LENG8: variants seen among roughly 807,000 people sequenced by gnomAD.
LENG8 encodes leukocyte receptor cluster member 8.
Under a neutral mutation model 102.1 loss-of-function variants are expected in LENG8, and 28 were observed. The observed-to-expected ratio is 0.27, with a 90% CI of 0.20 to 0.38. LENG8 has a LOEUF of 0.38. LENG8 is among the 10% of genes least tolerant of loss of function. The pLI is 1.00. For synonymous variants in LENG8, 531 were observed against 456.7 expected (o/e 1.16, Z -2.07); for missense variants, 1,022 against 1,113.9 (o/e 0.92, Z 1.17).
At position 54,452,255 on chromosome 19, in the gene LENG8, G is replaced by C. The variant is rs1298182727; in HGVS notation, c.201G>C (p.Val67=). 6.2e-7 allele frequency: 1 copy of C among 1,612,220 alleles called. No individual in the cohort carries two copies. Among genetic ancestry groups the C allele is most frequent in the Non-Finnish European group, 8.5e-7 (1 of 1,179,078 alleles). The change falls in exon 3 of 16, where the codon GTG becomes GTC. Residue 67 remains valine (V), a synonymous_variant. Transcript: ENST00000326764. ...CCAAGTCCAGCAGCAATGGGCCTGT[G>C]GCCAGTGCACAGGTGAGAAGGCCTC... ...GSAKSSSNGP[V]ASAQYVSQAE... is the part of the protein sequence containing the mutation.
In LENG8 at chr19:54,459,677, A is replaced by G. The variant is rs145388078; in HGVS notation, c.2241-1089A>G. 2.7e-3 allele frequency: 2,734 copies of G among 1,021,342 alleles called. 6 individuals are homozygous for G. Among genetic ancestry groups the G allele is most frequent in the Admixed American group, 3.9e-3 (75 of 19,058 alleles). The allele number at this position is 1,021,342 out of a possible 1,614,324, so 63.3% of individuals were successfully genotyped here. On this transcript the variant is annotated intron_variant, in intron 15 of 15. Coordinates refer to ENST00000326764, the MANE Select transcript of LENG8 (RefSeq NM_052925.4). The stretch of plus-strand genomic sequence containing the variant: ...CATGGTCACAGCATAGTTTGGAGCT[A>G]GGGAGGGACTGTCAGCCTGGAGGTT...
chr19:54,452,843 G>T lies in LENG8; in HGVS notation c.315+91G>T. The T allele has an allele frequency of 4.6e-6, 4 of 864,928 alleles. No homozygotes were observed. The South Asian group carries it at 5.7e-5, about 12-fold the overall frequency. The allele number at this position is 864,928 out of a possible 1,614,324, so 53.6% of individuals were successfully genotyped here. A position where few individuals can be genotyped will look rare whatever the true frequency, so the allele number is the denominator to read the frequency against. Reference sequence around the variant, plus strand: ...GTGGAGTCTGCCGGGATGGGGCTGGGTGGTGGATGGACTGGAGATCGCAGT... The same window carrying T: ...GTGGAGTCTGCCGGGATGGGGCTGGTTGGTGGATGGACTGGAGATCGCAGT... On this transcript the variant is annotated intron_variant, in intron 4 of 15. Transcript: ENST00000326764.
chr19:54,452,482 G>T (rs1599957718), intron 3 of LENG8, among the ~76,000 whole-genome samples, 169 bp from the exon 4 acceptor site: 1 of 152,218 alleles, frequency 6.6e-6, no homozygotes. Flanking sequence ...CCATGCCCCT[G>T]GTCTCTAACG....
intron 8 of LENG8, 58 bp from the exon 9 acceptor site, chr19:54,455,909 C>T (rs1286034246): frequency 2.6e-6 from 4 of 1,542,286 alleles, no homozygotes; most frequent in Admixed American, 2.0e-5. Context: ...GAGGTGGTGG[C>T]GGCTGTCCTG....
intron 15 of LENG8, chr19:54,458,889 G>A (rs889000913): frequency 2.8e-5 from 44 of 1,546,748 alleles, no homozygotes; most frequent in Admixed American, 9.8e-5. Context: ...TCAGCTTGTC[G>A]CTGTGCTCCC....
At chr19:54,450,324 T>C (rs1484781652) in intron 1 of LENG8, among the ~76,000 whole-genome samples, 2 of 152,166 alleles carry the variant, frequency 1.3e-5, no homozygotes, top group Non-Finnish European at 2.9e-5. Context: ...GAAATCAGTC[T>C]GTCAGTGCTA....
At position 54,457,945 on chromosome 19, in the gene LENG8, C is replaced by A; in HGVS notation, c.1845C>A (p.Ile615=). The A allele has an allele frequency of 6.2e-7, 1 of 1,613,876 alleles. No homozygotes were observed. Among genetic ancestry groups the A allele is most frequent in the East Asian group, 2.2e-5 (1 of 44,872 alleles). Reference sequence around the variant, plus strand: ...CCCCGCTGCCCCAGGTGCAGGGCATCCGCACCGAGTTCACGGTGGAGGTGT... The same window carrying A: ...CCCCGCTGCCCCAGGTGCAGGGCATACGCACCGAGTTCACGGTGGAGGTGT... ...SIRQDLTVQG[I]RTEFTVEVYE... The change falls in exon 13 of 16, where the codon ATC becomes ATA. Residue 615 remains isoleucine (I), a synonymous_variant. Transcript: ENST00000326764.
At position 54,454,566 on chromosome 19, in the gene LENG8, C is replaced by T; in HGVS notation, c.563C>T (p.Ala188Val). The change falls in exon 6 of 16, where the codon GCT becomes GTT. Residue 188 changes from alanine (A) to valine (V), a missense_variant. This residue lies in a region of LENG8 where 343 missense variants were observed against 320.2 expected (regional missense o/e 1.07). Coordinates refer to ENST00000326764, the MANE Select transcript of LENG8 (RefSeq NM_052925.4). Reference protein sequence around the residue: ...TLNSGPQPGTAPATQHSQAGP... With the variant: ...TLNSGPQPGTVPATQHSQAGP... ...AACAGTGGCCCTCAGCCTGGGACAGCTCCAGCCACACAGCACAGCCAGGCG... is the reference window on the plus strand; with the variant it reads ...AACAGTGGCCCTCAGCCTGGGACAGTTCCAGCCACACAGCACAGCCAGGCG... The T allele has an allele frequency of 6.2e-7, 1 of 1,612,084 alleles. No individual in the cohort carries two copies. The highest frequency in any genetic ancestry group is 8.5e-7 in the Non-Finnish European group (1 of 1,179,544).
chr19:54,457,723 TG>T, intron 11 of LENG8, 23 bp from the exon 12 acceptor site: 1 of 1,540,010 alleles, frequency 6.5e-7, no homozygotes, highest in Non-Finnish European at 9.0e-7. Flanking sequence ...GTACTCCGAG[TG>T]TGAATTCAGT....
At chr19:54,451,198 GCTTCT>G in intron 1 of LENG8, 87 bp from the exon 2 acceptor site, 2 of 821,016 alleles carry the variant, frequency 2.4e-6, no homozygotes, top group Non-Finnish European at 4.1e-6. Context: ...TTTCTGCCCG[GCTTCT>G]CTTGAGTCCA....
chr19:54,451,992 CAGTT>C, intron 2 of LENG8, 97 bp from the exon 3 acceptor site: 2 of 1,082,878 alleles, frequency 1.8e-6, no homozygotes, highest in Non-Finnish European at 2.7e-6. Flanking sequence ...CTGGTAGTAA[CAGTT>C]AGATATGGGA....
Position 54,457,778 on chromosome 19 carries a change from G to A in LENG8, c.1763G>A (p.Cys588Tyr). The part of the protein sequence containing the change: ...VLKKSLCMVK[C>Y]HWKEKQDYAF... ...AAAAAGTCGCTGTGCATGGTCAAGT[G>A]CCACTGGAAAGAGAAGCAGGACTAC... The change falls in exon 12 of 16, where the codon TGC (cysteine) becomes TAC (tyrosine). Residue 588 changes from cysteine (C) to tyrosine (Y), a missense_variant. Physicochemically the swap from Cys to Tyr is radical, Grantham distance 194. Around this residue, in one of 7 missense-constraint regions of LENG8, gnomAD observed 158 missense variants for 229.0 expected, o/e 0.69. Transcript: ENST00000326764. The A allele has an allele frequency of 6.2e-7, 1 of 1,614,112 alleles. No homozygotes were observed. The highest frequency in any genetic ancestry group is 8.5e-7 in the Non-Finnish European group (1 of 1,179,956).
intron 2 of LENG8, among the ~76,000 whole-genome samples, chr19:54,451,598 T>A (rs2083963486): frequency 6.6e-6 from 1 of 152,266 alleles, no homozygotes; most frequent in African/African-American, 2.4e-5. Context: ...TTTTTCACAG[T>A]ACAGCGCTTG....
Position 54,453,802 on chromosome 19 carries a change from G to A in LENG8, c.426+146G>A, listed in dbSNP as rs753873077. ...CTGATCTGAAAATGAGGAGGACAGA[G>A]CATAGTGTTTGAACCTGGGGTGGGT... is the stretch of plus-strand genomic sequence containing the variant. On this transcript the variant is annotated intron_variant, in intron 5 of 15. Coordinates refer to ENST00000326764, the MANE Select transcript of LENG8 (RefSeq NM_052925.4). 5.8e-4 allele frequency: 373 copies of A among 638,814 alleles called. 1 individual carries two copies. The highest frequency in any genetic ancestry group is 1.0e-3 in the Middle Eastern group (4 of 3,924). The allele number at this position is 638,814 out of a possible 1,614,324, so 39.6% of individuals were successfully genotyped here. A position where few individuals can be genotyped will look rare whatever the true frequency, so the allele number is the denominator to read the frequency against.
At chr19:54,453,506 T>C in intron 4 of LENG8, 40 bp from the exon 5 acceptor site, 1 of 1,390,936 alleles carries the variant, frequency 7.2e-7, no homozygotes, top group Non-Finnish European at 1.0e-6. Context: ...GCGGAAAGGG[T>C]AGGCCTCCCA....
intron 8 of LENG8, 116 bp from the exon 9 acceptor site, chr19:54,455,851 G>A (rs1441697837): frequency 1.7e-5 from 20 of 1,159,354 alleles, no homozygotes; most frequent in Middle Eastern, 2.3e-4. Flanking sequence ...TAGCTGAGCC[G>A]CCTGGGGTAA....
Position 54,454,460 on chromosome 19 carries a change from T to C in LENG8, c.457T>C (p.Ser153Pro), listed in dbSNP as rs1311735445. Reference protein sequence around the residue: ...PPVPGMDESMSYQAPPQQLPS... With the variant: ...PPVPGMDESMPYQAPPQQLPS... ...AGTCCCCGGCATGGATGAGAGCATG[T>C]CCTACCAGGCTCCCCCTCAGCAGCT... The change falls in exon 6 of 16, where the codon TCC becomes CCC. Residue 153 changes from serine to proline, a missense_variant. By Grantham distance (74) the Ser-to-Pro change is moderately conservative. Coordinates refer to ENST00000326764, the MANE Select transcript of LENG8 (RefSeq NM_052925.4). 2 of 1,612,664 alleles carry C rather than the reference T, an allele frequency of 1.2e-6. No individual in the cohort carries two copies. The highest frequency in any genetic ancestry group is 2.2e-5 in the South Asian group (2 of 90,928).
Position 54,461,750 on chromosome 19 carries a change from G to T in LENG8, c.*822G>T, listed in dbSNP as rs922217624. The T allele has an allele frequency of 2.2e-5, 12 of 535,816 alleles. No individual in the cohort carries two copies. The highest frequency in any genetic ancestry group is 1.9e-4 in the African/African-American group (10 of 52,424). The allele number at this position is 535,816 out of a possible 1,614,324, so 33.2% of individuals were successfully genotyped here. On this transcript the variant is annotated 3_prime_UTR_variant, in exon 16 of 16. Coordinates refer to ENST00000326764, the MANE Select transcript of LENG8 (RefSeq NM_052925.4). ...CGTCATGTTGCCTTCTCTTTTCTTT[G>T]TGTGTGTGTTTATTTAAGTTATTTT... is the stretch of plus-strand genomic sequence containing the variant.
intron 15 of LENG8, 152 bp downstream of exon 15, chr19:54,458,673 C>T (rs1203978611): frequency 1.9e-6 from 3 of 1,552,092 alleles, no homozygotes; most frequent in Admixed American, 3.9e-5. Context: ...TTCAGCCCTC[C>T]CCTCTCCAGT....
Sources: gnomAD v4.1 joint callset for allele counts (sites outside exome capture counted in the v4.1 genomes callset) on GRCh38, gnomAD v4.1.1 for gene constraint, gnomAD v4.1.1 regional missense constraint, MANE v1.5 for transcripts, NCBI Gene and HGNC (gene_info 2026-07-23, HGNC 2026-07-21) for gene names.